NHLRC2: variants seen among roughly 807,000 people sequenced by gnomAD.
NHLRC2 encodes the protein NHL repeat-containing protein 2.
NHLRC2 carries 33 observed loss-of-function variants against 68.1 expected under a neutral mutation model. That is an observed-to-expected ratio of 0.48 (90% CI 0.37 to 0.65). The LOEUF (loss-of-function observed/expected upper bound fraction) is 0.65, where lower values mean the gene tolerates loss of function less well. Ranked by LOEUF, NHLRC2 falls within the 30% of genes least tolerant of loss-of-function variation. NHLRC2 has a pLI of 0.00. For synonymous variants in NHLRC2, 311 were observed against 309.6 expected (o/e 1.00, Z -0.05); for missense variants, 761 against 853.8 (o/e 0.89, Z 1.35).
chr10:113,904,311 T>C (rs1303699814), intron 9 of NHLRC2, among the ~76,000 whole-genome samples: 1 of 152,114 alleles, frequency 6.6e-6, no homozygotes, highest in East Asian at 1.9e-4. Flanking sequence ...ATGTCTATTA[T>C]AAACTAACTC....
chr10:113,901,662 T>G lies in NHLRC2; in HGVS notation c.1140-4T>G. ...GACTCCACCTATGAACTTGTCTTTTTCAGTGAGTTAACAAAAGGAACCTGC... is the reference window on the plus strand; with the variant it reads ...GACTCCACCTATGAACTTGTCTTTTGCAGTGAGTTAACAAAAGGAACCTGC... On this transcript the variant is annotated splice_region_variant and splice_polypyrimidine_tract_variant and intron_variant, in intron 6 of 10. Coordinates refer to ENST00000369301, the MANE Select transcript of NHLRC2 (RefSeq NM_198514.4). The G allele has an allele frequency of 6.2e-7, 1 of 1,603,498 alleles. No individual in the cohort carries two copies. The highest frequency in any genetic ancestry group is 8.5e-7 in the Non-Finnish European group (1 of 1,170,320).
intron 5 of NHLRC2, among the ~76,000 whole-genome samples, chr10:113,890,737 G>GTCTAGTCTGTCTAGCTGTAATTC (rs1287289613): frequency 6.6e-6 from 1 of 152,012 alleles, no homozygotes; most frequent in African/African-American, 2.4e-5. Context: ...TTCTTCAGCT[G>GTCTAGTCTGTCTAGCTGTAATTC]TGTCTAGTCA....
intron 5 of NHLRC2, among the ~76,000 whole-genome samples, chr10:113,891,905 CTG>C (rs1846136669): frequency 6.6e-6 from 1 of 152,134 alleles, no homozygotes; most frequent in Admixed American, 6.5e-5. Context: ...TGTCTTGTGT[CTG>C]TGATTGGTTT....
chr10:113,911,901 A>G lies in NHLRC2; in HGVS notation c.*3365A>G, dbSNP rs753838871. 3 of 151,792 alleles carry G rather than the reference A, an allele frequency of 2.0e-5. No homozygotes were observed. Among genetic ancestry groups the G allele is most frequent in the Non-Finnish European group, 2.9e-5 (2 of 67,904 alleles). 9.4% of individuals were successfully genotyped at this position (151,792 alleles called of 1,614,324 possible). ...GTTTTTTTTTTCTTTTCAGTGAGCA[A>G]TCTGTTATTTTTAAAATCACGGTGG... On this transcript the variant is annotated 3_prime_UTR_variant, in exon 11 of 11. Coordinates refer to ENST00000369301, the MANE Select transcript of NHLRC2 (RefSeq NM_198514.4).
intron 2 of NHLRC2, 53 bp from the exon 3 acceptor site, chr10:113,876,468 A>G (rs1845980884): frequency 9.8e-7 from 1 of 1,022,028 alleles, no homozygotes; most frequent in Non-Finnish European, 1.4e-6. Flanking sequence ...GTAGATGATG[A>G]TATTCAAACT....
At chr10:113,870,327 C>A (rs1416660292) in intron 2 of NHLRC2, among the ~76,000 whole-genome samples, 3 of 152,132 alleles carry the variant, frequency 2.0e-5, no homozygotes, top group African/African-American at 4.8e-5. Flanking sequence ...TCTAACTGTT[C>A]TTGCCTTCCC....
chr10:113,879,268 C>A (rs1227165371), intron 3 of NHLRC2, among the ~76,000 whole-genome samples: 1 of 151,978 alleles, frequency 6.6e-6, no homozygotes, highest in Non-Finnish European at 1.5e-5. Context: ...AAAAATTATT[C>A]ATCTGTTGAA....
chr10:113,897,594 C>G (rs181474269), intron 5 of NHLRC2, among the ~76,000 whole-genome samples: 2 of 152,106 alleles, frequency 1.3e-5, no homozygotes. Context: ...ATTTTATGAG[C>G]TTAGGTTTCC....
At position 113,884,276 on chromosome 10, in the gene NHLRC2, G is replaced by A; in HGVS notation, c.935G>A (p.Ser312Asn). 6 of 1,609,970 alleles carry A rather than the reference G, an allele frequency of 3.7e-6. No homozygotes were observed. The highest frequency in any genetic ancestry group is 5.1e-6 in the Non-Finnish European group (6 of 1,176,904). The change falls in exon 5 of 11, where the codon AGC becomes AAC. Residue 312 changes from serine (S) to asparagine (N), a missense_variant. Ser to Asn is a conservative substitution (Grantham distance 46, BLOSUM62 1). Coordinates refer to ENST00000369301, the MANE Select transcript of NHLRC2 (RefSeq NM_198514.4). Reference protein sequence around the residue: ...RKIDLEAEKVSTVAGIGIQGT... With the variant: ...RKIDLEAEKVNTVAGIGIQGT... ...ATTGACCTAGAAGCTGAGAAGGTGAGCACTGTAGCTGGTATTGGAATTCAA... is the reference window on the plus strand; with the variant it reads ...ATTGACCTAGAAGCTGAGAAGGTGAACACTGTAGCTGGTATTGGAATTCAA...
Position 113,876,790 on chromosome 10 carries a change from A to G in NHLRC2, c.601A>G (p.Arg201Gly). The change falls in exon 3 of 11, where the codon AGG becomes GGG. Residue 201 changes from arginine (R) to glycine (G), a missense_variant. Transcript: ENST00000369301. ...AATTGCTTTAAAGTATTACAAAGAC[A>G]GGGGGCAGATCAGAGATAATAAAAT... Reference protein sequence around the residue: ...TSIALKYYKDRGQIRDNKIGI... With the variant: ...TSIALKYYKDGGQIRDNKIGI... 6.2e-7 allele frequency: 1 copy of G among 1,612,086 alleles called. No individual in the cohort carries two copies. The highest frequency in any genetic ancestry group is 8.5e-7 in the Non-Finnish European group (1 of 1,178,292).
At position 113,876,685 on chromosome 10, in the gene NHLRC2, G is replaced by A; in HGVS notation, c.496G>A (p.Val166Ile). 6.2e-7 allele frequency: 1 copy of A among 1,613,968 alleles called. No homozygotes were observed. The highest frequency in any genetic ancestry group is 8.5e-7 in the Non-Finnish European group (1 of 1,179,910). ...AGAAGTTTCCTGCTGGCCAACTCTA[G>A]TCATACTTGGACCTCGTGGAAACAT... is the stretch of plus-strand genomic sequence containing the variant. ...ELEVSCWPTL[V>I]ILGPRGNMLF... Residue 166 changes from valine (V) to isoleucine (I), a missense_variant, in exon 3 of 11, where the codon GTC (valine) becomes ATC (isoleucine). Transcript: ENST00000369301.
At chr10:113,872,000 A>T (rs1007898733) in intron 2 of NHLRC2, among the ~76,000 whole-genome samples, 6 of 152,170 alleles carry the variant, frequency 3.9e-5, no homozygotes, top group African/African-American at 1.4e-4. Flanking sequence ...GGTTCAGAGT[A>T]TTTAGACAAC....
At chr10:113,897,533 G>A (rs982747957) in intron 5 of NHLRC2, among the ~76,000 whole-genome samples, 7 of 152,174 alleles carry the variant, frequency 4.6e-5, no homozygotes, top group Non-Finnish European at 1.0e-4. Flanking sequence ...TAAGTGCATC[G>A]TGTGCTTTGA....
rs1589542764 is a variant in NHLRC2 at position 113,884,380 on chromosome 10, G to T, written c.1039G>T (p.Gly347Cys). ...SPWDVVFGTSGSEVQRGDILW... is the reference protein window; with the variant it reads ...SPWDVVFGTSCSEVQRGDILW... Reference sequence around the variant, plus strand: ...TTGGGATGTAGTTTTTGGAACATCAGGTATGTGAACTTTTGATATTAAATG... The same window carrying T: ...TTGGGATGTAGTTTTTGGAACATCATGTATGTGAACTTTTGATATTAAATG... Residue 347 changes from glycine (G) to cysteine (C), a missense_variant and splice_region_variant, in exon 5 of 11, where the codon GGT becomes TGT. Physicochemically the swap from Gly to Cys is radical, Grantham distance 159. Transcript: ENST00000369301. The T allele has an allele frequency of 6.2e-7, 1 of 1,604,924 alleles. No homozygotes were observed. Among genetic ancestry groups the T allele is most frequent in the Non-Finnish European group, 8.5e-7 (1 of 1,174,130 alleles).
chr10:113,877,365 C>CT (rs1270414360), intron 3 of NHLRC2, among the ~76,000 whole-genome samples: 2 of 151,046 alleles, frequency 1.3e-5, no homozygotes, highest in Non-Finnish European at 2.9e-5. Context: ...ATAGCCGTAT[C>CT]TTTTTAAAGA....
chr10:113,902,594 G>A lies in NHLRC2; in HGVS notation c.1494+1G>A. On this transcript the variant is annotated splice_donor_variant, in intron 8 of 10. Coordinates refer to ENST00000369301, the MANE Select transcript of NHLRC2 (RefSeq NM_198514.4). LOFTEE classifies it high-confidence loss of function. ...TGTTGCAGACTCCTACAATCACAAG[G>A]TGAGTCGTGACAGAATTATATAATA... The A allele has an allele frequency of 1.3e-6, 2 of 1,599,516 alleles. No individual in the cohort carries two copies. Among genetic ancestry groups the A allele is most frequent in the Non-Finnish European group, 1.7e-6 (2 of 1,175,788 alleles).
chr10:113,883,326 A>G (rs1479061052), intron 4 of NHLRC2, among the ~76,000 whole-genome samples: 1 of 151,856 alleles, frequency 6.6e-6, no homozygotes, highest in Non-Finnish European at 1.5e-5. Context: ...ATTAGCAATG[A>G]TGGTGGGTAT....
chr10:113,903,341 C>G (rs1564859007), intron 8 of NHLRC2, among the ~76,000 whole-genome samples, 186 bp from the exon 9 acceptor site: 2 of 152,092 alleles, frequency 1.3e-5, no homozygotes, highest in Non-Finnish European at 2.9e-5. Flanking sequence ...AATAGAATAT[C>G]TCCCCTTAGA....
chr10:113,908,721 C>G lies in NHLRC2; in HGVS notation c.*185C>G. On this transcript the variant is annotated 3_prime_UTR_variant, in exon 11 of 11. Transcript: ENST00000369301. Reference sequence around the variant, plus strand: ...TTACTTCTTTTATTATAAACAAATTCCTTTGCTTTGGCTGATACTAGCTGA... The same window carrying G: ...TTACTTCTTTTATTATAAACAAATTGCTTTGCTTTGGCTGATACTAGCTGA... 1.7e-6 allele frequency: 1 copy of G among 604,896 alleles called. No homozygotes were observed. The highest frequency in any genetic ancestry group is 2.1e-5 in the South Asian group (1 of 48,404). The allele number at this position is 604,896 out of a possible 1,614,324, so 37.5% of individuals were successfully genotyped here.
Sources: allele counts gnomAD v4.1 joint callset (sites outside exome capture counted in the v4.1 genomes callset), GRCh38; gene constraint gnomAD v4.1.1; transcripts MANE v1.5; gene names NCBI Gene and HGNC (gene_info 2026-07-23, HGNC 2026-07-21).